Variants in SEMA3A observed in about 807,000 individuals in gnomAD.
The protein encoded by SEMA3A is semaphorin 3A, also known as semaphorin-3A.
SEMA3A carries 29 observed loss-of-function variants against 97.9 expected under a neutral mutation model. That is an observed-to-expected ratio of 0.30 (90% CI 0.22 to 0.40). The LOEUF (loss-of-function observed/expected upper bound fraction) is 0.40. Ranked by LOEUF, SEMA3A falls within the 10% of genes least tolerant of loss-of-function variation. The pLI is 1.00. For synonymous variants in SEMA3A, 321 were observed against 323.7 expected (o/e 0.99, Z 0.09); for missense variants, 763 against 951.3 (o/e 0.80, Z 2.60).
At chr7:84,217,394 CAA>C (rs1798775455) in intron 3 of SEMA3A, among the ~76,000 whole-genome samples, 1 of 152,074 alleles carries the variant, frequency 6.6e-6, no homozygotes, top group South Asian at 2.1e-4. Context: ...TAAAAGGAAA[CAA>C]AGTCATTATT....
At chr7:83,971,666 T>C (rs1788919399) in intron 15 of SEMA3A, among the ~76,000 whole-genome samples, 1 of 152,140 alleles carries the variant, frequency 6.6e-6, no homozygotes, top group African/African-American at 2.4e-5. Flanking sequence ...AATGAATGCA[T>C]GAATGTGTAG....
intron 2 of SEMA3A, among the ~76,000 whole-genome samples, chr7:84,323,720 A>G (rs1801707479): frequency 6.6e-6 from 1 of 152,224 alleles, no homozygotes; most frequent in Non-Finnish European, 1.5e-5. Flanking sequence ...TCATATGGAC[A>G]GATGTGCGCC....
Position 84,390,448 on chromosome 7 carries a change from T to G in SEMA3A, c.-245-18548A>C, listed in dbSNP as rs17159009. ...TTTACTATGATAAATAAAAAATATT[T>G]CTGGTCATAAATATAATTTGTGAGA... On this transcript the variant is annotated intron_variant, in intron 1 of 3. Coordinates refer to the SEMA3A transcript ENST00000424555. Among the ~76,000 whole-genome samples, 2,038 of 151,766 alleles carry G rather than the reference T, an allele frequency of 0.013. 93 individuals are homozygous for G. The East Asian group carries it at 0.16, about 12-fold the overall frequency.
intron 1 of SEMA3A, among the ~76,000 whole-genome samples, chr7:84,374,955 G>A (rs904669179): frequency 1.3e-5 from 2 of 152,152 alleles, no homozygotes; most frequent in Middle Eastern, 3.2e-3. Flanking sequence ...GGGAGGAGAC[G>A]TGTATGTTTG....
intron 3 of SEMA3A, among the ~76,000 whole-genome samples, chr7:84,256,904 G>A (rs1245138575): frequency 1.3e-5 from 2 of 152,018 alleles, no homozygotes; most frequent in Non-Finnish European, 2.9e-5. Context: ...CACTGGTGAA[G>A]CAATAATGGA....
chr7:84,377,817 G>A (rs1803146144), intron 1 of SEMA3A, among the ~76,000 whole-genome samples: 1 of 152,120 alleles, frequency 6.6e-6, no homozygotes, highest in Non-Finnish European at 1.5e-5. Context: ...TTGGTTCAAA[G>A]TGGAAAACCA....
chr7:84,280,986 C>A (rs181550836), intron 3 of SEMA3A, among the ~76,000 whole-genome samples: 1 of 152,010 alleles, frequency 6.6e-6, no homozygotes, highest in Non-Finnish European at 1.5e-5. Flanking sequence ...CGATATACTT[C>A]TTTGCCCTTT....
At chr7:84,449,044 A>C (rs1761851915) in intron 1 of SEMA3A, among the ~76,000 whole-genome samples, 1 of 152,202 alleles carries the variant, frequency 6.6e-6, no homozygotes, top group Non-Finnish European at 1.5e-5. Context: ...CATTCAAGGG[A>C]GAAAAGACAG....
At chr7:84,282,593 C>T (rs958778979) in intron 3 of SEMA3A, among the ~76,000 whole-genome samples, 7 of 152,006 alleles carry the variant, frequency 4.6e-5, no homozygotes, top group Non-Finnish European at 8.8e-5. Context: ...CAGTAGATAA[C>T]GTTAAGCCAG....
At chr7:84,091,898 T>C (rs929154696) in intron 4 of SEMA3A, among the ~76,000 whole-genome samples, 1 of 152,118 alleles carries the variant, frequency 6.6e-6, no homozygotes, top group African/African-American at 2.4e-5. Flanking sequence ...TATGAACAAA[T>C]GAAATTCCAT....
chr7:84,248,192 T>G (rs1050789366), intron 3 of SEMA3A, among the ~76,000 whole-genome samples: 2 of 152,198 alleles, frequency 1.3e-5, no homozygotes, highest in Non-Finnish European at 2.9e-5. Context: ...TTAAAGATAG[T>G]TTCCCCATGT....
At chr7:84,163,607 T>C (rs1215761498) in intron 1 of SEMA3A, among the ~76,000 whole-genome samples, 1 of 152,198 alleles carries the variant, frequency 6.6e-6, no homozygotes, top group Non-Finnish European at 1.5e-5. Flanking sequence ...TCCCTCGATA[T>C]ATTGTTTTAT....
At position 84,441,695 on chromosome 7, in the gene SEMA3A, A is replaced by C. The variant is rs1245190170; in HGVS notation, c.-246+50765T>G. On this transcript the variant is annotated intron_variant, in intron 1 of 3. Transcript: ENST00000424555. ...CATTAAAGAAACGTCAATGAACTTC[A>C]AATGTGATGAATTTAAAGAGACACA... Among the ~76,000 whole-genome samples, 8 of 152,190 alleles carry C rather than the reference A, an allele frequency of 5.3e-5. No homozygotes were observed. The East Asian group carries it at 1.5e-3, about 29-fold the overall frequency.
At position 84,461,434 on chromosome 7, in the gene SEMA3A, T is replaced by C. The variant is rs1018587558; in HGVS notation, c.-246+31026A>G. 2.6e-5 allele frequency among the ~76,000 whole-genome samples: 4 copies of C among 151,690 alleles called. No homozygotes were observed. In the Admixed American group the frequency reaches 2.6e-4, roughly 10 times the overall value. ...GGTGGGTAATTTTCCATCATGAATA[T>C]GTATTTTTGATGCATAAATACTTGG... On this transcript the variant is annotated intron_variant, in intron 1 of 3. Coordinates refer to the SEMA3A transcript ENST00000424555.
At chr7:84,141,488 T>G (rs2116073541) in intron 1 of SEMA3A, among the ~76,000 whole-genome samples, 1 of 152,252 alleles carries the variant, frequency 6.6e-6, no homozygotes, top group African/African-American at 2.4e-5. Flanking sequence ...TGAATAATTG[T>G]TTTTACTTGT....
chr7:83,964,962 T>C (rs1418290002), intron 15 of SEMA3A, among the ~76,000 whole-genome samples: 1 of 152,188 alleles, frequency 6.6e-6, no homozygotes, highest in Admixed American at 6.5e-5. Flanking sequence ...GTGAATTTAA[T>C]TGCTATGGCC....
At chr7:84,187,361 A>C (rs1487674549) in intron 1 of SEMA3A, among the ~76,000 whole-genome samples, 1 of 152,162 alleles carries the variant, frequency 6.6e-6, no homozygotes, top group Admixed American at 6.6e-5. Flanking sequence ...GGCTGTATAT[A>C]CTGTGACCTG....
chr7:84,438,161 T>C (rs1805183971), intron 1 of SEMA3A, among the ~76,000 whole-genome samples: 1 of 152,030 alleles, frequency 6.6e-6, no homozygotes, highest in Non-Finnish European at 1.5e-5. Flanking sequence ...CAGTCAACAA[T>C]GATGTATTTG....
chr7:84,177,275 A>G (rs28464975), intron 1 of SEMA3A, among the ~76,000 whole-genome samples: 12,898 of 152,118 alleles, frequency 0.085, 804 homozygotes, highest in African/African-American at 0.17. Context: ...ATATCAGAAG[A>G]CACATTATAA....
Sources: gnomAD v4.1 joint callset for allele counts (sites outside exome capture counted in the v4.1 genomes callset) on GRCh38, gnomAD v4.1.1 for gene constraint, MANE v1.5 for transcripts, NCBI Gene and HGNC (gene_info 2026-07-23, HGNC 2026-07-21) for gene names.